Variants in GRIK1 observed in about 807,000 individuals in gnomAD.
GRIK1 encodes the protein glutamate receptor ionotropic, kainate 1.
GRIK1 carries 69 observed loss-of-function variants against 105.7 expected under a neutral mutation model. The observed-to-expected ratio is 0.65, with a 90% CI of 0.54 to 0.80. The LOEUF is 0.80. Ranked by LOEUF, GRIK1 falls within the 30% of genes least tolerant of loss-of-function variation. The pLI is 0.00. For synonymous variants in GRIK1, 438 were observed against 431.3 expected (o/e 1.02, Z -0.19); for missense variants, 1,109 against 1,167.3 (o/e 0.95, Z 0.73).
chr21:29,816,180 A>C (rs1198714651), intron 1 of GRIK1, among the ~76,000 whole-genome samples: 3 of 152,166 alleles, frequency 2.0e-5, no homozygotes, highest in Non-Finnish European at 4.4e-5. Context: ...AACGGCCAAC[A>C]GGTATATGAA....
At chr21:29,829,661 G>C (rs1373552278) in intron 1 of GRIK1, among the ~76,000 whole-genome samples, 6 of 152,132 alleles carry the variant, frequency 3.9e-5, no homozygotes, top group African/African-American at 1.2e-4. Context: ...ATGAATTTAA[G>C]AAGCCTTTGA....
At chr21:29,837,548 A>G (rs1407288119) in intron 1 of GRIK1, among the ~76,000 whole-genome samples, 1 of 152,194 alleles carries the variant, frequency 6.6e-6, no homozygotes, top group Non-Finnish European at 1.5e-5. Flanking sequence ...ATGGGGGGGA[A>G]TGACAGCAAA....
chr21:29,802,120 G>A (rs2066727729), intron 1 of GRIK1, among the ~76,000 whole-genome samples: 1 of 152,144 alleles, frequency 6.6e-6, no homozygotes, highest in African/African-American at 2.4e-5. Flanking sequence ...ACACATGGAA[G>A]GCACTAGAAG....
At chr21:29,591,021 G>A (rs1178120783) in intron 10 of GRIK1, 91 bp downstream of exon 10, 3 of 785,298 alleles carry the variant, frequency 3.8e-6, no homozygotes, top group Non-Finnish European at 7.0e-6. Flanking sequence ...GCAGACAGAA[G>A]CGTTGGCATG....
intron 1 of GRIK1, among the ~76,000 whole-genome samples, chr21:29,779,833 T>C (rs1278055806): frequency 6.6e-6 from 1 of 152,206 alleles, no homozygotes; most frequent in East Asian, 1.9e-4. Flanking sequence ...GCTGGAGGTA[T>C]CTAGCTGACA....
chr21:29,620,808 T>TATATATATATATATATATATATATATAG (rs2061978720), intron 7 of GRIK1, among the ~76,000 whole-genome samples: 1 of 122,626 alleles, frequency 8.2e-6, no homozygotes, highest in African/African-American at 3.6e-5. Context: ...TATATATAGA[T>TATATATATATATATATATATATATATAG]ATATATATAT....
intron 1 of GRIK1, among the ~76,000 whole-genome samples, chr21:29,722,308 G>A (rs983775226): frequency 2.0e-5 from 3 of 152,058 alleles, no homozygotes; most frequent in Non-Finnish European, 4.4e-5. Flanking sequence ...ATTTAAAAAA[G>A]CACTTTGGGA....
intron 3 of GRIK1, among the ~76,000 whole-genome samples, chr21:29,685,833 G>T (rs1439873595): frequency 1.3e-5 from 2 of 152,118 alleles, no homozygotes; most frequent in African/African-American, 4.8e-5. Context: ...ATCCACTGAC[G>T]TGAGTCATAG....
At chr21:29,788,169 A>T (rs966748064) in intron 1 of GRIK1, among the ~76,000 whole-genome samples, 2 of 152,222 alleles carry the variant, frequency 1.3e-5, no homozygotes, top group African/African-American at 4.8e-5. Flanking sequence ...TGACAAAACA[A>T]TTCCAAATCT....
chr21:29,655,111 A>T (rs1013264093), intron 4 of GRIK1, among the ~76,000 whole-genome samples: 1 of 152,224 alleles, frequency 6.6e-6, no homozygotes. Flanking sequence ...TGATGATCAA[A>T]TTTAAAAATA....
At chr21:29,782,168 G>C (rs2066135786) in intron 1 of GRIK1, among the ~76,000 whole-genome samples, 1 of 149,180 alleles carries the variant, frequency 6.7e-6, no homozygotes, top group Non-Finnish European at 1.5e-5. Flanking sequence ...CTCACTGCAA[G>C]CTCTGCCTCC....
chr21:29,855,623 A>G (rs780387934), intron 1 of GRIK1, among the ~76,000 whole-genome samples: 1 of 152,200 alleles, frequency 6.6e-6, no homozygotes, highest in Non-Finnish European at 1.5e-5. Context: ...GGAGGGTTTT[A>G]AGCAGATTAG....
intron 1 of GRIK1, among the ~76,000 whole-genome samples, chr21:29,772,572 A>G (rs1008883351): frequency 6.6e-6 from 1 of 152,200 alleles, no homozygotes; most frequent in African/African-American, 2.4e-5. Flanking sequence ...GAGGAACTCA[A>G]TTAACTATTT....
chr21:29,924,756 C>T (rs2071303474), intron 1 of GRIK1, among the ~76,000 whole-genome samples: 1 of 152,156 alleles, frequency 6.6e-6, no homozygotes, highest in South Asian at 2.1e-4. Flanking sequence ...CCAGGCGTCT[C>T]ATCCTCTTAG....
At chr21:29,736,204 T>TATTATGATTATG (rs61484653) in intron 1 of GRIK1, among the ~76,000 whole-genome samples, 2 of 150,836 alleles carry the variant, frequency 1.3e-5, no homozygotes, top group Admixed American at 1.3e-4. Context: ...CTGGTATTGT[T>TATTATGATTATG]ATTATGATTA....
At chr21:29,881,017 C>G (rs1014150247) in intron 1 of GRIK1, among the ~76,000 whole-genome samples, 1 of 152,042 alleles carries the variant, frequency 6.6e-6, no homozygotes, top group African/African-American at 2.4e-5. Context: ...TGAGAAGCAC[C>G]CAGGAGCACA....
chr21:29,672,781 A>T (rs781677390), intron 4 of GRIK1, among the ~76,000 whole-genome samples: 1 of 152,022 alleles, frequency 6.6e-6, no homozygotes, highest in Non-Finnish European at 1.5e-5. Context: ...ACAACTAAAC[A>T]CTCACATTAT....
chr21:29,674,563 T>A (rs2146651974), intron 3 of GRIK1, among the ~76,000 whole-genome samples: 1 of 152,124 alleles, frequency 6.6e-6, no homozygotes, highest in Admixed American at 6.5e-5. Context: ...GGTGATTGGA[T>A]CATGAGGGCG....
intron 1 of GRIK1, among the ~76,000 whole-genome samples, chr21:29,832,678 T>C (rs1370374513): frequency 3.3e-5 from 5 of 152,162 alleles, no homozygotes; most frequent in Admixed American, 3.3e-4. Flanking sequence ...TACAAGACAG[T>C]AGGGCCCTGG....
Sources: gnomAD v4.1 joint callset for allele counts (sites outside exome capture counted in the v4.1 genomes callset) on GRCh38, gnomAD v4.1.1 for gene constraint, MANE v1.5 for transcripts, NCBI Gene and HGNC (gene_info 2026-07-23, HGNC 2026-07-21) for gene names.